PLOD2: variants seen among roughly 807,000 people sequenced by gnomAD.
The protein encoded by PLOD2 is lysine hydroxylase 2.
A neutral mutation model predicts 101.0 loss-of-function variants in PLOD2; 65 were observed. The ratio of observed to expected loss-of-function variants is 0.64; its 90% CI spans 0.53 to 0.79. The LOEUF is 0.79. Ranked by LOEUF, PLOD2 falls within the 30% of genes least tolerant of loss-of-function variation. The pLI, the probability that PLOD2 is intolerant of heterozygous loss-of-function variation, is 0.00. For synonymous variants in PLOD2, 314 were observed against 302.9 expected, an observed-to-expected ratio of 1.04 and a Z score of -0.38; for missense variants, 909 against 914.6, an observed-to-expected ratio of 0.99 and a Z score of 0.08.
Position 146,106,579 on chromosome 3 carries a change from C to G in PLOD2, c.568G>C (p.Asp190His), listed in dbSNP as rs1255859788. 3 of 1,597,902 alleles carry G rather than the reference C, an allele frequency of 1.9e-6. No homozygotes were observed. Among genetic ancestry groups the G allele is most frequent in the Non-Finnish European group, 2.6e-6 (3 of 1,165,434 alleles). Residue 190 changes from aspartate (D) to histidine (H), a missense_variant, in exon 5 of 20, where the codon GAT becomes CAT. Asp to His is a moderately conservative substitution (Grantham distance 81, BLOSUM62 -1). Transcript: ENST00000282903. ...VQQWNLQDND[D>H]DQLFYTKVYI... ...ACTTTAGTGTAAAAGAGCTGATCAT[C>G]ATCATTATCCTGGAGATTCCATTGT...
At chr3:146,127,286 CTG>C (rs1195816282) in intron 1 of PLOD2, among the ~76,000 whole-genome samples, 11 of 152,140 alleles carry the variant, frequency 7.2e-5, no homozygotes, top group Non-Finnish European at 1.6e-4. Flanking sequence ...ATAGTGAACA[CTG>C]TACCCAACAG....
intron 8 of PLOD2, among the ~76,000 whole-genome samples, chr3:146,089,434 TG>T (rs1325230729): frequency 6.6e-6 from 1 of 151,548 alleles, no homozygotes; most frequent in East Asian, 1.9e-4. Context: ...TACAAGTAGA[TG>T]GGGAAGACAG....
intron 7 of PLOD2, among the ~76,000 whole-genome samples, chr3:146,096,281 A>G (rs1482407886): frequency 0.016 from 1,249 of 79,384 alleles, 200 homozygotes; most frequent in Admixed American, 0.13. Context: ...AAAAGCCGAG[A>G]TTGCAGCCTC....
At chr3:146,140,670 C>A (rs537680011) in intron 1 of PLOD2, among the ~76,000 whole-genome samples, 1 of 152,058 alleles carries the variant, frequency 6.6e-6, no homozygotes, top group Non-Finnish European at 1.5e-5. Context: ...ATAAAGCATT[C>A]CAGTCAATTA....
intron 7 of PLOD2, among the ~76,000 whole-genome samples, chr3:146,098,090 T>C (rs148229703): frequency 1.3e-4 from 20 of 152,058 alleles, no homozygotes; most frequent in Middle Eastern, 3.4e-3. Context: ...TTAGGACAAA[T>C]ACATAATGCA....
In PLOD2 at chr3:146,106,632, T is replaced by G; in HGVS notation, c.515A>C (p.Tyr172Ser). 2 of 1,538,616 alleles carry G rather than the reference T, an allele frequency of 1.3e-6. No homozygotes were observed. The highest frequency in any genetic ancestry group is 2.2e-5 in the South Asian group (2 of 89,486). Residue 172 changes from tyrosine to serine, a missense_variant, in exon 5 of 20, where the codon TAT (tyrosine) becomes TCT (serine). Transcript: ENST00000282903. ...AACTATACGGTTGACATATGGAGCA[T>G]AGCCAATAAATCCTGCAACACAGCA... Reference protein sequence around the residue: ...RYLNSGGFIGYAPYVNRIVQQ... With the variant: ...RYLNSGGFIGSAPYVNRIVQQ...
chr3:146,103,292 T>C (rs1452678685), intron 6 of PLOD2, among the ~76,000 whole-genome samples: 2 of 152,168 alleles, frequency 1.3e-5, no homozygotes, highest in Non-Finnish European at 2.9e-5. Flanking sequence ...AGTAGAATAT[T>C]GTCTGGCATA....
chr3:146,160,525 T>C (rs1356685586), intron 1 of PLOD2, among the ~76,000 whole-genome samples: 2 of 152,004 alleles, frequency 1.3e-5, no homozygotes, highest in African/African-American at 2.4e-5. Context: ...GCCTCGTCCA[T>C]CAAGGATAAA....
chr3:146,076,789 T>C lies in PLOD2; in HGVS notation c.1670A>G (p.Asn557Ser). ...TGAGTATGAAATACATACCACAGGA[T>C]TTTCAAAAATCTGCCAGAGGTCATT... ...YNNDLWQIFENPVDWKEKYIN... is the reference protein window; with the variant it reads ...YNNDLWQIFESPVDWKEKYIN... Residue 557 changes from asparagine (N) to serine (S), a missense_variant, in exon 15 of 20, where the codon AAT (asparagine) becomes AGT (serine). By Grantham distance (46) the Asn-to-Ser change is conservative. Transcript: ENST00000282903. 2 of 1,469,696 alleles carry C rather than the reference T, an allele frequency of 1.4e-6. No homozygotes were observed. The highest frequency in any genetic ancestry group is 1.9e-6 in the Non-Finnish European group (2 of 1,050,264). 91.0% of individuals were successfully genotyped at this position (1,469,696 alleles called of 1,614,324 possible).
chr3:146,133,036 T>C (rs914484200), intron 1 of PLOD2, among the ~76,000 whole-genome samples: 3 of 151,890 alleles, frequency 2.0e-5, no homozygotes, highest in African/African-American at 2.4e-5. Context: ...ATTAGCCGGG[T>C]GTGGTGGCTG....
intron 7 of PLOD2, among the ~76,000 whole-genome samples, chr3:146,096,029 GGC>G (rs1190049338): frequency 6.8e-6 from 1 of 147,898 alleles, no homozygotes; most frequent in African/African-American, 2.5e-5. Context: ...TGCGATTGCA[GGC>G]GCGCGCCGCC....
intron 9 of PLOD2, among the ~76,000 whole-genome samples, chr3:146,087,625 A>T (rs1936826952): frequency 6.6e-6 from 1 of 151,702 alleles, no homozygotes; most frequent in African/African-American, 2.4e-5. Context: ...TGCTTTTTGC[A>T]GATTTTTAAA....
chr3:146,097,164 C>T lies in PLOD2; in HGVS notation c.778-5263G>A, dbSNP rs1319222532. Among the ~76,000 whole-genome samples the T allele has an allele frequency of 3.8e-4, 57 of 148,658 alleles. 1 individual carries two copies. In the South Asian group the frequency reaches 0.011, roughly 30 times the overall value. On this transcript the variant is annotated intron_variant, in intron 7 of 19. Coordinates refer to ENST00000282903, the MANE Select transcript of PLOD2 (RefSeq NM_182943.3). ...CCCCCGCCCGGCCAGCCGCCCAGTC[C>T]GGGAGGGAGGTGGGGGGTCAGCCCC...
intron 1 of PLOD2, among the ~76,000 whole-genome samples, chr3:146,141,874 T>C (rs954123672): frequency 6.6e-6 from 1 of 152,206 alleles, no homozygotes; most frequent in Non-Finnish European, 1.5e-5. Flanking sequence ...TGAAAGGTTT[T>C]AACAGAGAAA....
chr3:146,073,166 A>G, intron 16 of PLOD2, 121 bp downstream of exon 16: 1 of 535,194 alleles, frequency 1.9e-6, no homozygotes, highest in Non-Finnish European at 3.4e-6. Context: ...ATTGAATCAA[A>G]TAAATTTTAC....
At chr3:146,146,734 A>C (rs1470092455) in intron 1 of PLOD2, among the ~76,000 whole-genome samples, 18 of 152,202 alleles carry the variant, frequency 1.2e-4, no homozygotes, top group Admixed American at 1.2e-3. Context: ...GCTGGGACAG[A>C]GGTAGTAGCC....
At chr3:146,079,464 T>G (rs1936456261) in intron 12 of PLOD2, among the ~76,000 whole-genome samples, 1 of 152,000 alleles carries the variant, frequency 6.6e-6, no homozygotes, top group Non-Finnish European at 1.5e-5. Context: ...CCACTGCCCC[T>G]TTGGATACAT....
intron 3 of PLOD2, among the ~76,000 whole-genome samples, chr3:146,114,934 A>G (rs1046115792): frequency 6.6e-6 from 1 of 152,190 alleles, no homozygotes; most frequent in Non-Finnish European, 1.5e-5. Context: ...CTATCAATGT[A>G]TTGACTACAC....
At chr3:146,138,977 A>T (rs2031386541) in intron 1 of PLOD2, among the ~76,000 whole-genome samples, 1 of 152,142 alleles carries the variant, frequency 6.6e-6, no homozygotes, top group Non-Finnish European at 1.5e-5. Context: ...CTTAACTGCT[A>T]TGCAATACTG....
Sources: allele counts gnomAD v4.1 joint callset (sites outside exome capture counted in the v4.1 genomes callset), GRCh38; gene constraint gnomAD v4.1.1; transcripts MANE v1.5; gene names NCBI Gene and HGNC (gene_info 2026-07-23, HGNC 2026-07-21).